The following CABP1 variants were observed in gnomAD, a reference collection of about 807,000 sequenced individuals.
The protein encoded by CABP1 is calcium binding protein 1.
Under a neutral mutation model 34.3 loss-of-function variants are expected in CABP1, and 17 were observed. The observed-to-expected ratio is 0.50, with a 90% confidence interval of 0.34 to 0.74. The LOEUF (loss-of-function observed/expected upper bound fraction) is 0.74, where lower values mean the gene tolerates loss of function less well. CABP1 is among the 30% of genes least tolerant of loss of function. The pLI is 0.01. For synonymous variants in CABP1, 198 were observed against 229.2 expected, an observed-to-expected ratio of 0.86 and a Z score of 1.23; for missense variants, 373 against 511.1, an observed-to-expected ratio of 0.73 and a Z score of 2.61.
downstream of CABP1, among the ~76,000 whole-genome samples, chr12:120,669,320 G>A (rs1881169674): frequency 6.6e-6 from 1 of 152,244 alleles, no homozygotes; most frequent in African/African-American, 2.4e-5. Context: ...TGCCCTGCTA[G>A]GCAAGCCTGC....
At chr12:120,673,475 G>A in the CABP1 span, among the ~76,000 whole-genome samples, 22 of 152,000 alleles carry the variant, frequency 1.4e-4, no homozygotes, top group South Asian at 4.2e-4. Context: ...TCCTAGCTAC[G>A]TGGGAGGCTG....
chr12:120,663,176 C>T (rs1337972760), intron 5 of CABP1, among the ~76,000 whole-genome samples: 1 of 152,198 alleles, frequency 6.6e-6, no homozygotes, highest in Non-Finnish European at 1.5e-5. Context: ...AGTTGTCTTC[C>T]CAGTTGACTC....
At chr12:120,668,807 G>A (rs994717693), downstream of CABP1, among the ~76,000 whole-genome samples, 3 of 152,224 alleles carry the variant, frequency 2.0e-5, no homozygotes, top group Non-Finnish European at 4.4e-5. Flanking sequence ...GACAGGCTTG[G>A]AGCGTACTTG....
Position 120,664,281 on chromosome 12 carries a change from G to T in CABP1, c.1088-2594G>T, listed in dbSNP as rs190939519. 2.4e-4 allele frequency among the ~76,000 whole-genome samples: 37 copies of T among 152,316 alleles called. No individual in the cohort carries two copies. The East Asian group carries it at 6.4e-3, about 26-fold the overall frequency. On this transcript the variant is annotated intron_variant, in intron 5 of 5. Transcript: ENST00000316803. ...ATGTGTGCTGGGGGAAGCACAGGGG[G>T]CTGCTATAGAGGGGGCGCCTGTGCC...
chr12:120,665,350 C>T (rs908019587), intron 5 of CABP1, among the ~76,000 whole-genome samples: 9 of 151,582 alleles, frequency 5.9e-5, no homozygotes, highest in Admixed American at 3.3e-4. Context: ...CGCTTGAGCC[C>T]GGGAGGTCAA....
chr12:120,659,748 G>A (rs1880504127), intron 1 of CABP1, 130 bp from the exon 2 acceptor site: 1 of 756,792 alleles, frequency 1.3e-6, no homozygotes, highest in East Asian at 2.5e-5. Context: ...ACCTGATCCA[G>A]GCACACCTGT....
At chr12:120,662,991 G>A (rs988452868) in intron 5 of CABP1, among the ~76,000 whole-genome samples, 9 of 152,104 alleles carry the variant, frequency 5.9e-5, no homozygotes, top group African/African-American at 1.9e-4. Context: ...GGCCTATCCT[G>A]TTTTTTACTT....
the CABP1 span, among the ~76,000 whole-genome samples, chr12:120,678,328 A>T: frequency 6.6e-6 from 1 of 152,094 alleles, no homozygotes; most frequent in African/African-American, 2.4e-5. Context: ...TCAAGGTGAA[A>T]TTGCCTCTCG....
At chr12:120,647,341 T>G (rs1406133206) in intron 1 of CABP1, among the ~76,000 whole-genome samples, 1 of 151,884 alleles carries the variant, frequency 6.6e-6, no homozygotes, top group African/African-American at 2.4e-5. Context: ...CCGAGAAAGA[T>G]CAACATGTCC....
intron 1 of CABP1, among the ~76,000 whole-genome samples, chr12:120,646,865 C>T (rs1879561230): frequency 6.6e-6 from 1 of 152,178 alleles, no homozygotes; most frequent in African/African-American, 2.4e-5. Context: ...GTCCCTCCTG[C>T]CTATCTGCCC....
rs1481055575 is a variant in CABP1, at chr12:120,641,045, C to A, written c.360C>A (p.Pro120=). ...CCGGGGACCCCAGTTCGCGGAGGCCCCTGTGCCGGCCGGCGCCGCGAGAGG... is the reference window on the plus strand; with the variant it reads ...CCGGGGACCCCAGTTCGCGGAGGCCACTGTGCCGGCCGGCGCCGCGAGAGG... ...QSSGDPSSRR[P]LCRPAPREEG... Residue 120 remains proline (P), a synonymous_variant, in exon 1 of 6, where the codon CCC becomes CCA. Coordinates refer to ENST00000316803, the MANE Select transcript of CABP1 (RefSeq NM_001033677.2). This position sits in a 1 kb window ranked among gnomAD's most constrained non-coding sequence, Gnocchi z 6.7. The A allele has an allele frequency of 8.5e-7, 1 of 1,180,724 alleles. No individual in the cohort carries two copies. Among genetic ancestry groups the A allele is most frequent in the Non-Finnish European group, 1.0e-6 (1 of 955,306 alleles). The allele number at this position is 1,180,724 out of a possible 1,614,324, so 73.1% of individuals were successfully genotyped here.
rs750536648 is a variant in CABP1, at chr12:120,660,202, G to A, written c.692G>A (p.Arg231Gln). 1.9e-5 allele frequency: 31 copies of A among 1,613,916 alleles called. No individual in the cohort carries two copies. Among genetic ancestry groups the A allele is most frequent in the Non-Finnish European group, 2.4e-5 (28 of 1,179,994 alleles). The change falls in exon 3 of 6, where the codon CGA (arginine) becomes CAA (glutamine). Residue 231 changes from arginine to glutamine, a missense_variant. This residue lies in a region of CABP1 where 109 missense variants were observed against 204.8 expected (regional missense o/e 0.53). Transcript: ENST00000316803. The surrounding 1 kb of genome is among the most constrained non-coding windows in gnomAD (Gnocchi z 5.0). ...SLRPEEIEEL[R>Q]EAFREFDKDK... is the part of the protein sequence containing the mutation. ...CCTTTGCTCACTTCCCCAGAGCTCC[G>A]AGAGGCCTTCAGAGAATTCGACAAG...
At chr12:120,653,038 T>C (rs540808054) in intron 1 of CABP1, among the ~76,000 whole-genome samples, 1 of 152,278 alleles carries the variant, frequency 6.6e-6, no homozygotes, top group Non-Finnish European at 1.5e-5. Flanking sequence ...CAACTTGGTG[T>C]TAGGCAGTAT....
At chr12:120,655,627 T>C in intron 1 of CABP1, 1 of 1,385,538 alleles carries the variant, frequency 7.2e-7, no homozygotes, top group Non-Finnish European at 9.3e-7. Flanking sequence ...GTAGGACAAG[T>C]CTGTTTGGGA....
At position 120,641,268 on chromosome 12, in the gene CABP1, C is replaced by T. The variant is rs780999069; in HGVS notation, c.583C>T (p.Pro195Ser). 10 of 1,304,816 alleles carry T rather than the reference C, an allele frequency of 7.7e-6. No individual in the cohort carries two copies. In the Admixed American group the frequency reaches 3.5e-4, roughly 45 times the overall value. The allele number at this position is 1,304,816 out of a possible 1,614,324, so 80.8% of individuals were successfully genotyped here. A position where few individuals can be genotyped will look rare whatever the true frequency, so the allele number is the denominator to read the frequency against. ...AGCCCGGGGCCGCGGGGACTCCGTT[C>T]CAGCCGCCGCGTCCGAGGCGGACCC... Reference protein sequence around the residue: ...LRARGRGDSVPAAASEADPFL... With the variant: ...LRARGRGDSVSAAASEADPFL... The change falls in exon 1 of 6, where the codon CCA becomes TCA. Residue 195 changes from proline to serine, a missense_variant. Physicochemically the swap from Pro to Ser is moderately conservative, Grantham distance 74. Coordinates refer to ENST00000316803, the MANE Select transcript of CABP1 (RefSeq NM_001033677.2). The surrounding 1 kb of genome is among the most constrained non-coding windows in gnomAD (Gnocchi z 6.7).
intron 1 of CABP1, among the ~76,000 whole-genome samples, chr12:120,643,080 C>T (rs1308337938): frequency 6.6e-6 from 1 of 151,280 alleles, no homozygotes; most frequent in Admixed American, 6.6e-5. Context: ...AGCATTGTAG[C>T]GACGTGCTTT....
rs545434855 is a variant in CABP1 at position 120,647,747 on chromosome 12, T to A, written c.654+6408T>A. Among the ~76,000 whole-genome samples, 199 of 149,614 alleles carry A rather than the reference T, an allele frequency of 1.3e-3. 2 individuals carry two copies. Among genetic ancestry groups the A allele is most frequent in the African/African-American group, 4.7e-3 (194 of 40,966 alleles). ...CACGCCCAGCTAACTTTTGTATTTT[T>A]TTTTTTTTTTTTTTAGTAGAGACAG... On this transcript the variant is annotated intron_variant, in intron 1 of 5. Transcript: ENST00000316803.
At chr12:120,668,847 C>G (rs1881145773), downstream of CABP1, among the ~76,000 whole-genome samples, 1 of 152,206 alleles carries the variant, frequency 6.6e-6, no homozygotes. Flanking sequence ...CGGTGTACCT[C>G]AAGCCATTGG....
At chr12:120,667,709 A>G (rs1881093311), downstream of CABP1, among the ~76,000 whole-genome samples, 1 of 151,578 alleles carries the variant, frequency 6.6e-6, no homozygotes, top group South Asian at 2.1e-4. Context: ...GCTGGTCTCA[A>G]ACTCCTGATC....
Sources: gnomAD v4.1 joint callset for allele counts (sites outside exome capture counted in the v4.1 genomes callset) on GRCh38, gnomAD v4.1.1 for gene constraint, gnomAD v4.1.1 regional missense constraint, Gnocchi (gnomAD v3.1) non-coding constraint, MANE v1.5 for transcripts, NCBI Gene and HGNC (gene_info 2026-07-23, HGNC 2026-07-21) for gene names.